The following FDFT1 variants were observed in gnomAD, a reference collection of about 807,000 sequenced individuals.
FDFT1 encodes the protein squalene synthase.
A neutral mutation model predicts 46.8 loss-of-function variants in FDFT1; 68 were observed. The observed-to-expected ratio is 1.45, with a 90% CI of 1.19 to 1.78. The LOEUF (loss-of-function observed/expected upper bound fraction) is 1.78. Ranked by LOEUF, FDFT1 falls within the 40% of genes most tolerant of loss-of-function variation. The pLI is 0.00. For missense variants in FDFT1, 928 were observed against 524.4 expected, an observed-to-expected ratio of 1.77 and a Z score of -7.52; for synonymous variants, 351 against 185.1, an observed-to-expected ratio of 1.90 and a Z score of -7.28.
At chr8:11,828,561 G>C (rs1452373375) in intron 5 of FDFT1, among the ~76,000 whole-genome samples, 1 of 152,226 alleles carries the variant, frequency 6.6e-6, no homozygotes, top group African/African-American at 2.4e-5. Context: ...CAGAACATCA[G>C]CCACGGGCAT....
Position 11,803,475 on chromosome 8 carries a change from T to A in FDFT1, c.99+544T>A, listed in dbSNP as rs866034692. 1.0e-5 allele frequency: 13 copies of A among 1,266,176 alleles called. 1 individual carries two copies. The highest frequency in any genetic ancestry group is 3.0e-4 in the Middle Eastern group (1 of 3,314). The allele number at this position is 1,266,176 out of a possible 1,614,324, so 78.4% of individuals were successfully genotyped here. A position where few individuals can be genotyped will look rare whatever the true frequency, so the allele number is the denominator to read the frequency against. On this transcript the variant is annotated intron_variant, in intron 1 of 7. Coordinates refer to ENST00000220584, the MANE Select transcript of FDFT1 (RefSeq NM_004462.5). ...GCCTATCTACGCTTCCAAGTTCCAA[T>A]GAGTTATCTAACGTCTATGGATTAG...
chr8:11,802,359 A>C (rs1025477554), upstream of FDFT1: 3 of 443,820 alleles, frequency 6.8e-6, no homozygotes, highest in Non-Finnish European at 1.4e-5. Context: ...GCAGCCCCGC[A>C]CTGCTCTCCC....
chr8:11,828,357 T>G (rs1222331935), intron 5 of FDFT1, among the ~76,000 whole-genome samples: 1 of 152,146 alleles, frequency 6.6e-6, no homozygotes, highest in East Asian at 1.9e-4. Context: ...GCCTTTTAAG[T>G]TTCCTAGGTG....
At chr8:11,818,244 G>T (rs1011628297) in intron 3 of FDFT1, among the ~76,000 whole-genome samples, 13 of 152,160 alleles carry the variant, frequency 8.5e-5, no homozygotes, top group Non-Finnish European at 1.0e-4. Flanking sequence ...TGTAATTTCT[G>T]TTCTTTTACA....
chr8:11,829,464 GC>G (rs1810472743), intron 5 of FDFT1, among the ~76,000 whole-genome samples: 1 of 152,318 alleles, frequency 6.6e-6, no homozygotes, highest in African/African-American at 2.4e-5. Context: ...TCATTTCCCA[GC>G]TATGCCTTTC....
In FDFT1 at chr8:11,830,306, C is replaced by A. The variant is rs749812596; in HGVS notation, c.765C>A (p.Ala255=). Residue 255 remains alanine (A), a synonymous_variant, in exon 6 of 8, where the codon GCC becomes GCA. Transcript: ENST00000220584. The part of the protein sequence containing the change: ...DFAKPENIDL[A]VQCLNELITN... ...CTAAGCCGGAGAATATTGACTTGGC[C>A]GTGCAGTGCCTGAATGAACTTATAA... The A allele has an allele frequency of 6.2e-7, 1 of 1,613,490 alleles. No individual in the cohort carries two copies. The highest frequency in any genetic ancestry group is 1.7e-5 in the Admixed American group (1 of 59,998).
At chr8:11,806,475 C>G (rs958926615) in intron 1 of FDFT1, among the ~76,000 whole-genome samples, 1 of 152,034 alleles carries the variant, frequency 6.6e-6, no homozygotes, top group Admixed American at 6.6e-5. Flanking sequence ...AGCAGGGGTA[C>G]GAGCTGGAGG....
In FDFT1 at chr8:11,838,820, G is replaced by C. The variant is rs967529864; in HGVS notation, c.*211G>C. On this transcript the variant is annotated 3_prime_UTR_variant, in exon 8 of 8. Coordinates refer to ENST00000220584, the MANE Select transcript of FDFT1 (RefSeq NM_004462.5). ...CTCATCCCAGCAACCTGTCCTTGTG[G>C]GTGATGATCACTGTGCTGCTTGTGG... 3.5e-6 allele frequency: 2 copies of C among 570,660 alleles called. No individual in the cohort carries two copies. Among genetic ancestry groups the C allele is most frequent in the African/African-American group, 3.8e-5 (2 of 53,310 alleles). 35.3% of individuals were successfully genotyped at this position (570,660 alleles called of 1,614,324 possible).
At chr8:11,811,805 A>G (rs925626226) in intron 3 of FDFT1, among the ~76,000 whole-genome samples, 14 of 152,332 alleles carry the variant, frequency 9.2e-5, no homozygotes, top group Non-Finnish European at 1.8e-4. Flanking sequence ...GAATATGAAG[A>G]TGTACTAAGT....
chr8:11,810,352 A>G (rs1807533434), intron 3 of FDFT1, among the ~76,000 whole-genome samples: 2 of 152,174 alleles, frequency 1.3e-5, no homozygotes, highest in South Asian at 4.1e-4. Context: ...GCCTGGTAGC[A>G]TGGGACTGCT....
upstream of FDFT1, chr8:11,802,432 A>C (rs996636841): frequency 2.2e-6 from 1 of 459,382 alleles, no homozygotes; most frequent in Non-Finnish European, 4.4e-6. Context: ...TCCAGTCCCC[A>C]CAGCGTTCGC....
chr8:11,823,237 G>A (rs898448113), intron 4 of FDFT1, among the ~76,000 whole-genome samples: 2 of 152,144 alleles, frequency 1.3e-5, no homozygotes, highest in Non-Finnish European at 2.9e-5. Flanking sequence ...TTACAGGCAT[G>A]ACCAGCCAAT....
intron 1 of FDFT1, among the ~76,000 whole-genome samples, chr8:11,806,965 T>A (rs1259938650): frequency 6.6e-6 from 1 of 152,198 alleles, no homozygotes; most frequent in Non-Finnish European, 1.5e-5. Flanking sequence ...TTTTCAGGAT[T>A]ATGTGATTTA....
chr8:11,804,934 G>T (rs529001005), intron 1 of FDFT1, among the ~76,000 whole-genome samples: 3 of 144,530 alleles, frequency 2.1e-5, no homozygotes, highest in Admixed American at 6.9e-5. Context: ...TTGAGGGGGG[G>T]GTCTCACTCC....
At chr8:11,807,890 GGA>G (rs1382227476) in intron 1 of FDFT1, 1 of 152,246 alleles carries the variant, frequency 6.6e-6, no homozygotes, top group African/African-American at 2.4e-5. Flanking sequence ...TGCAGTAAGA[GGA>G]GAGAGACCTC....
intron 3 of FDFT1, chr8:11,810,074 CTG>C: frequency 2.0e-6 from 1 of 501,470 alleles, no homozygotes; most frequent in Non-Finnish European, 3.5e-6. Flanking sequence ...CAAAGACTCT[CTG>C]TGCCTCAGTT....
At chr8:11,835,205 A>G (rs537809335) in intron 7 of FDFT1, among the ~76,000 whole-genome samples, 3 of 152,328 alleles carry the variant, frequency 2.0e-5, no homozygotes, top group Admixed American at 6.5e-5. Flanking sequence ...TGACAAGCAG[A>G]TGTAACTCCT....
chr8:11,803,836 G>A (rs556935137), intron 1 of FDFT1: 9 of 157,630 alleles, frequency 5.7e-5, no homozygotes, highest in African/African-American at 2.2e-4. Flanking sequence ...GTCCCCAGTA[G>A]ACTACACCCT....
In FDFT1 at chr8:11,838,514, C is replaced by T. The variant is rs1488385648; in HGVS notation, c.1159C>T (p.Leu387=). Residue 387 remains leucine (L), a synonymous_variant, in exon 8 of 8, where the codon CTG becomes TTG. Transcript: ENST00000220584. ...ISRSHYSPIY[L]SFVMLLAALS... ...CCGAAGCCACTACTCCCCCATCTAC[C>T]TGTCGTTTGTCATGCTTTTGGCTGC... 3.1e-6 allele frequency: 5 copies of T among 1,608,674 alleles called. No individual in the cohort carries two copies. The highest frequency in any genetic ancestry group is 4.2e-6 in the Non-Finnish European group (5 of 1,176,830).
Sources: gnomAD v4.1 joint callset for allele counts (sites outside exome capture counted in the v4.1 genomes callset) on GRCh38, gnomAD v4.1.1 for gene constraint, MANE v1.5 for transcripts, NCBI Gene and HGNC (gene_info 2026-07-23, HGNC 2026-07-21) for gene names.